Variants in ZNF730 observed in about 807,000 individuals in gnomAD.
The protein encoded by ZNF730 is zinc finger protein 730, also known as putative zinc finger protein 730.
ZNF730 carries 12 observed loss-of-function variants against 12.6 expected under a neutral mutation model. That is an observed-to-expected ratio of 0.95 (90% CI 0.61 to 1.54). The LOEUF is 1.54. Among genes scored for constraint, ZNF730 ranks in the 40% most tolerant of loss-of-function variants. The pLI is 0.00. For synonymous variants in ZNF730, 194 were observed against 195.8 expected (o/e 0.99, Z 0.08); for missense variants, 643 against 583.5 (o/e 1.10, Z -1.05).
chr19:23,076,768 G>A (rs543038913), intron 1 of ZNF730, among the ~76,000 whole-genome samples: 1 of 152,210 alleles, frequency 6.6e-6, no homozygotes, highest in Non-Finnish European at 1.5e-5. Context: ...ACCTATTGTC[G>A]ACAGTGTGGC....
In ZNF730 at chr19:23,145,809, C is replaced by A. The variant is rs2145711906; in HGVS notation, c.765C>A (p.Pro255=). ...AGAGAATTCATACTGGAGAAAAACCCTACCAATGTGAGAAATGTGGCAAAT... is the reference window on the plus strand; with the variant it reads ...AGAGAATTCATACTGGAGAAAAACCATACCAATGTGAGAAATGTGGCAAAT... ...THKRIHTGEK[P]YQCEKCGKFF... The change falls in exon 4 of 4, where the codon CCC becomes CCA. Residue 255 remains proline, a synonymous_variant. Coordinates refer to ENST00000597761, the MANE Select transcript of ZNF730 (RefSeq NM_001277403.2). The A allele has an allele frequency of 6.3e-7, 1 of 1,593,348 alleles. No individual in the cohort carries two copies. The highest frequency in any genetic ancestry group is 2.3e-5 in the East Asian group (1 of 44,250).
intron 1 of ZNF730, among the ~76,000 whole-genome samples, chr19:23,117,782 C>A (rs1282679969): frequency 6.6e-6 from 1 of 152,132 alleles, no homozygotes; most frequent in Non-Finnish European, 1.5e-5. Flanking sequence ...TACAAATTTT[C>A]TGGTTATGTA....
At chr19:23,134,619 C>T (rs1970800136) in intron 2 of ZNF730, among the ~76,000 whole-genome samples, 3 of 147,074 alleles carry the variant, frequency 2.0e-5, no homozygotes, top group Non-Finnish European at 4.5e-5. Context: ...CAGCCCCCCG[C>T]CCGGCCAGCC....
intron 1 of ZNF730, among the ~76,000 whole-genome samples, chr19:23,129,418 A>G (rs965243867): frequency 6.6e-6 from 1 of 152,250 alleles, no homozygotes; most frequent in South Asian, 2.1e-4. Context: ...TTGCATCAGC[A>G]TGACCCAATG....
chr19:23,079,839 T>C (rs1286219161), intron 1 of ZNF730, among the ~76,000 whole-genome samples: 3 of 152,238 alleles, frequency 2.0e-5, no homozygotes, highest in Non-Finnish European at 4.4e-5. Context: ...AAGTATTCTA[T>C]GTAAGTGTGA....
chr19:23,119,687 C>T (rs1970575083), intron 1 of ZNF730, among the ~76,000 whole-genome samples: 1 of 152,050 alleles, frequency 6.6e-6, no homozygotes, highest in African/African-American at 2.4e-5. Context: ...TGTGGTGGTG[C>T]ACACCTGTAA....
intron 3 of ZNF730, among the ~76,000 whole-genome samples, chr19:23,139,633 T>A (rs1334361511): frequency 2.0e-5 from 3 of 152,184 alleles, no homozygotes; most frequent in African/African-American, 7.2e-5. Context: ...CAAGCAATTC[T>A]CCTGTCTCAG....
At chr19:23,076,072 T>C (rs1305906199) in intron 1 of ZNF730, among the ~76,000 whole-genome samples, 1 of 152,172 alleles carries the variant, frequency 6.6e-6, no homozygotes, top group Non-Finnish European at 1.5e-5. Flanking sequence ...TCCACTTTTT[T>C]CCCTTAGCCT....
intron 1 of ZNF730, among the ~76,000 whole-genome samples, chr19:23,129,629 T>C (rs577598980): frequency 6.7e-6 from 1 of 148,680 alleles, no homozygotes; most frequent in African/African-American, 2.5e-5. Flanking sequence ...TACAGGCTCA[T>C]AGGCAGAAGG....
At chr19:23,086,061 T>A (rs1471365512) in intron 1 of ZNF730, among the ~76,000 whole-genome samples, 1 of 152,062 alleles carries the variant, frequency 6.6e-6, no homozygotes, top group Non-Finnish European at 1.5e-5. Context: ...GCCAGGCTGG[T>A]CTGGAATTCC....
intron 1 of ZNF730, among the ~76,000 whole-genome samples, chr19:23,087,334 G>T (rs1970080267): frequency 6.6e-6 from 1 of 152,014 alleles, no homozygotes; most frequent in Non-Finnish European, 1.5e-5. Flanking sequence ...CTTGAACCCG[G>T]GAGGCAGAGG....
At chr19:23,110,361 C>G (rs956467889) in intron 1 of ZNF730, among the ~76,000 whole-genome samples, 337 of 141,102 alleles carry the variant, frequency 2.4e-3, no homozygotes, top group Non-Finnish European at 2.8e-3. Flanking sequence ...ACAGCAACCT[C>G]CACCTCCCAG....
intron 1 of ZNF730, among the ~76,000 whole-genome samples, chr19:23,096,587 G>A (rs368841818): frequency 8.5e-4 from 129 of 152,270 alleles, no homozygotes; most frequent in Middle Eastern, 6.8e-3. Flanking sequence ...ATAGCTGGGC[G>A]CAGCCCCTAG....
intron 1 of ZNF730, among the ~76,000 whole-genome samples, chr19:23,094,747 T>G (rs1452767549): frequency 6.6e-6 from 1 of 152,212 alleles, no homozygotes; most frequent in Non-Finnish European, 1.5e-5. Flanking sequence ...GTGCTGGGAT[T>G]ACAGTCGTGA....
intron 1 of ZNF730, among the ~76,000 whole-genome samples, chr19:23,122,180 C>T (rs1212546140): frequency 8.5e-6 from 1 of 117,388 alleles, no homozygotes; most frequent in East Asian, 2.8e-4. Flanking sequence ...TCACTCTTGT[C>T]GCCCAGGCTG....
intron 3 of ZNF730, among the ~76,000 whole-genome samples, chr19:23,138,491 C>G (rs568432227): frequency 6.6e-6 from 1 of 152,234 alleles, no homozygotes; most frequent in South Asian, 2.1e-4. Context: ...TGTCTTTCTC[C>G]AGGCCTCTGA....
intron 1 of ZNF730, among the ~76,000 whole-genome samples, chr19:23,099,646 C>G (rs1282299812): frequency 6.6e-6 from 1 of 152,148 alleles, no homozygotes; most frequent in African/African-American, 2.4e-5. Context: ...AATTGAGGCT[C>G]TCATACACAA....
chr19:23,078,568 G>T (rs1443449839), intron 1 of ZNF730, among the ~76,000 whole-genome samples: 1 of 152,144 alleles, frequency 6.6e-6, no homozygotes, highest in Non-Finnish European at 1.5e-5. Context: ...CCTCTCTTGA[G>T]ATGGTAGAGA....
At position 23,086,796 on chromosome 19, in the gene ZNF730, A is replaced by C. The variant is rs556551142; in HGVS notation, c.-94+11409A>C. On this transcript the variant is annotated intron_variant, in intron 1 of 2. Coordinates refer to the ZNF730 transcript ENST00000593635. Reference sequence around the variant, plus strand: ...GGTGTTTTTTGGAAAGTTTCATATGAATTTTAAAATAATTTTTTTCTAATT... The same window carrying C: ...GGTGTTTTTTGGAAAGTTTCATATGCATTTTAAAATAATTTTTTTCTAATT... Among the ~76,000 whole-genome samples the C allele has an allele frequency of 2.6e-5, 4 of 152,276 alleles. No individual in the cohort carries two copies. The South Asian group carries it at 8.3e-4, about 32-fold the overall frequency.
Sources: allele counts gnomAD v4.1 joint callset (sites outside exome capture counted in the v4.1 genomes callset), GRCh38; gene constraint gnomAD v4.1.1; transcripts MANE v1.5; gene names NCBI Gene and HGNC (gene_info 2026-07-23, HGNC 2026-07-21).